The following PTPRK variants were observed in gnomAD, a reference collection of about 807,000 sequenced individuals.
The protein encoded by PTPRK is receptor-type tyrosine-protein phosphatase kappa.
In PTPRK, 75 loss-of-function variants were observed where a neutral mutation model predicts 178.0. The observed-to-expected ratio is 0.42, with a 90% CI of 0.35 to 0.51. The LOEUF (loss-of-function observed/expected upper bound fraction) is 0.51, where lower values mean the gene tolerates loss of function less well. Among genes scored for constraint, PTPRK ranks in the 20% least tolerant of loss-of-function variants. The pLI, the probability that PTPRK is intolerant of heterozygous loss-of-function variation, is 0.02. For synonymous variants in PTPRK, 637 were observed against 620.6 expected (o/e 1.03, Z -0.39); for missense variants, 1,441 against 1,797.8 (o/e 0.80, Z 3.59).
intron 7 of PTPRK, among the ~76,000 whole-genome samples, chr6:128,169,586 A>G (rs1372333262): frequency 6.6e-6 from 1 of 151,974 alleles, no homozygotes; most frequent in Admixed American, 6.6e-5. Context: ...CACATAGGGT[A>G]TTTTTTATTG....
In PTPRK at chr6:128,329,826, G is replaced by A. The variant is rs140170969; in HGVS notation, c.224-7516C>T. Among the ~76,000 whole-genome samples the A allele has an allele frequency of 6.6e-5, 10 of 152,024 alleles. 1 individual carries two copies. The highest frequency in any genetic ancestry group is 1.7e-4 in the African/African-American group (7 of 41,474). ...AGAAATAATGTTTAACCTAATATTC[G>A]GGCACCCTATCGCTGAGTCTAATTG... On this transcript the variant is annotated intron_variant, in intron 2 of 29. Coordinates refer to ENST00000368226, the MANE Select transcript of PTPRK (RefSeq NM_002844.4).
rs1046427845 is a variant in PTPRK at position 128,047,310 on chromosome 6, T to C, written c.2194+17448A>G. Reference sequence around the variant, plus strand: ...TATCATCATTGCTTACCATAAGTAATATTCTGAGTAAATAATAATCTGACT... The same window carrying C: ...TATCATCATTGCTTACCATAAGTAACATTCTGAGTAAATAATAATCTGACT... On this transcript the variant is annotated intron_variant, in intron 13 of 29. Transcript: ENST00000368226. Among the ~76,000 whole-genome samples the C allele has an allele frequency of 2.0e-5, 3 of 152,316 alleles. No homozygotes were observed. The East Asian group carries it at 5.8e-4, about 29-fold the overall frequency.
intron 7 of PTPRK, among the ~76,000 whole-genome samples, chr6:128,168,746 C>T (rs1384015826): frequency 1.3e-5 from 2 of 152,092 alleles, no homozygotes; most frequent in Admixed American, 1.3e-4. Context: ...CATGGAAATA[C>T]TGTCTTCCAT....
At chr6:128,029,485 T>G (rs1415297732) in intron 13 of PTPRK, among the ~76,000 whole-genome samples, 1 of 151,822 alleles carries the variant, frequency 6.6e-6, no homozygotes, top group Non-Finnish European at 1.5e-5. Context: ...ACCCGATCAC[T>G]ACTAAAAATA....
At chr6:128,267,156 T>C (rs1177975148) in intron 3 of PTPRK, among the ~76,000 whole-genome samples, 1 of 152,080 alleles carries the variant, frequency 6.6e-6, no homozygotes. Context: ...TGAGTCAGTA[T>C]GAAGTAAATG....
At chr6:128,491,586 AC>A (rs1266030087) in intron 1 of PTPRK, 1 of 335,040 alleles carries the variant, frequency 3.0e-6, no homozygotes, top group Non-Finnish European at 6.0e-6. Flanking sequence ...AATTATTTTT[AC>A]CTGCAGTCAA....
chr6:128,067,304 T>C (rs571978714), intron 12 of PTPRK, among the ~76,000 whole-genome samples: 2 of 152,214 alleles, frequency 1.3e-5, no homozygotes, highest in East Asian at 3.9e-4. Flanking sequence ...GTAGAAGCAG[T>C]TACTAGGAAA....
intron 2 of PTPRK, among the ~76,000 whole-genome samples, chr6:128,368,435 A>G (rs150066584): frequency 1.3e-5 from 2 of 151,822 alleles, no homozygotes; most frequent in Non-Finnish European, 2.9e-5. Context: ...GACGAGGCCA[A>G]TGACCAAGAT....
chr6:128,113,286 GA>G (rs1790968935), intron 7 of PTPRK, among the ~76,000 whole-genome samples: 1 of 151,666 alleles, frequency 6.6e-6, no homozygotes. Context: ...AAAAAAACTT[GA>G]AAGAATTATA....
At chr6:128,006,350 G>A (rs1171382251) in intron 14 of PTPRK, among the ~76,000 whole-genome samples, 2 of 150,906 alleles carry the variant, frequency 1.3e-5, no homozygotes, top group Non-Finnish European at 3.0e-5. Flanking sequence ...AATGGATTGT[G>A]TATTTTCAAC....
intron 6 of PTPRK, among the ~76,000 whole-genome samples, chr6:128,201,712 T>A (rs1371135990): frequency 1.3e-5 from 2 of 151,780 alleles, no homozygotes; most frequent in Non-Finnish European, 2.9e-5. Context: ...ATATATATAT[T>A]TTACTAAATC....
At chr6:128,391,175 C>T (rs374199197) in intron 2 of PTPRK, among the ~76,000 whole-genome samples, 3 of 152,004 alleles carry the variant, frequency 2.0e-5, no homozygotes, top group East Asian at 1.9e-4. Context: ...CATTGAATGA[C>T]GCATAACCTT....
chr6:128,445,759 C>A lies in PTPRK; in HGVS notation c.101-48071G>T, dbSNP rs184817503. ...ATTATAGCTGTATGACCAGGTAAAC[C>A]ATATTAACAATAAGACTGCTTACTG... On this transcript the variant is annotated intron_variant, in intron 1 of 29. Transcript: ENST00000368226. Among the ~76,000 whole-genome samples the A allele has an allele frequency of 1.3e-5, 2 of 152,078 alleles. 1 individual carries two copies. The highest frequency in any genetic ancestry group is 3.9e-4 in the East Asian group (2 of 5,178).
chr6:128,453,777 C>T (rs1848075484), intron 1 of PTPRK, among the ~76,000 whole-genome samples: 1 of 152,024 alleles, frequency 6.6e-6, no homozygotes, highest in Admixed American at 6.6e-5. Flanking sequence ...GCTACTCTAC[C>T]CAAGCTGCAT....
At chr6:128,496,309 C>T (rs1854647175) in intron 1 of PTPRK, among the ~76,000 whole-genome samples, 2 of 152,096 alleles carry the variant, frequency 1.3e-5, no homozygotes, top group Admixed American at 1.3e-4. Flanking sequence ...AAAAGTAGAG[C>T]AGGGATGGGG....
At chr6:128,428,350 T>A (rs918763606) in intron 1 of PTPRK, among the ~76,000 whole-genome samples, 2 of 152,194 alleles carry the variant, frequency 1.3e-5, no homozygotes, top group African/African-American at 2.4e-5. Flanking sequence ...TGCACATCAT[T>A]AGTAGACTAC....
intron 7 of PTPRK, among the ~76,000 whole-genome samples, chr6:128,162,493 T>C (rs184315700): frequency 9.9e-5 from 15 of 151,778 alleles, no homozygotes; most frequent in Middle Eastern, 3.4e-3. Flanking sequence ...ACTTTTCATA[T>C]ATACAGAAAG....
At position 127,981,191 on chromosome 6, in the gene PTPRK, TG is replaced by T; in HGVS notation, c.3635del (p.Pro1212HisfsTer9). 6.2e-7 allele frequency: 1 copy of T among 1,613,988 alleles called. No individual in the cohort carries two copies. The highest frequency in any genetic ancestry group is 8.5e-7 in the Non-Finnish European group (1 of 1,179,956). On this transcript the variant is annotated frameshift_variant, in exon 25 of 30. Transcript: ENST00000368226. LOFTEE classifies it high-confidence loss of function. ...TTAAAAAAGGCAGACATCTGTCAGG[TG>T]GCAGCATGTCCATGAAACGGTTCTT... The part of the protein sequence containing the change: ...HDKNRFMDML[P>X]PDRCLPFLIT...
At chr6:128,324,400 A>T (rs1277981380) in intron 2 of PTPRK, among the ~76,000 whole-genome samples, 1 of 152,080 alleles carries the variant, frequency 6.6e-6, no homozygotes, top group Non-Finnish European at 1.5e-5. Context: ...TACTATAAAG[A>T]CCATTTAGGA....
Sources: gnomAD v4.1 joint callset for allele counts (sites outside exome capture counted in the v4.1 genomes callset) on GRCh38, gnomAD v4.1.1 for gene constraint, MANE v1.5 for transcripts, NCBI Gene and HGNC (gene_info 2026-07-23, HGNC 2026-07-21) for gene names.